NPSR1: variants seen among roughly 807,000 people sequenced by gnomAD.
The protein encoded by NPSR1 is neuropeptide S receptor.
Under a neutral mutation model 46.9 loss-of-function variants are expected in NPSR1, and 48 were observed. That is an observed-to-expected ratio of 1.02 (90% CI 0.81 to 1.30). The LOEUF (loss-of-function observed/expected upper bound fraction) is 1.30. Among genes scored for constraint, NPSR1 ranks in the 50% most tolerant of loss-of-function variants. The probability of loss-of-function intolerance (pLI) is 0.00; values close to 1 mark genes in which losing one functional copy is unlikely to be tolerated. For synonymous variants in NPSR1, 176 were observed against 168.1 expected (o/e 1.05, Z -0.36); for missense variants, 450 against 449.5 (o/e 1.00, Z -0.01).
chr7:34,752,218 T>A (rs1166068209), intron 2 of NPSR1, among the ~76,000 whole-genome samples: 1 of 152,188 alleles, frequency 6.6e-6, no homozygotes, highest in Non-Finnish European at 1.5e-5. Flanking sequence ...TTTTAATCTA[T>A]AACCAAGGTC....
downstream of NPSR1, among the ~76,000 whole-genome samples, chr7:34,854,252 A>G (rs538861469): frequency 2.6e-4 from 39 of 152,332 alleles, no homozygotes; most frequent in Admixed American, 2.1e-3. Context: ...AGAAACAGGG[A>G]CATAAAACAG....
chr7:34,722,138 G>A (rs1468187504), intron 2 of NPSR1, among the ~76,000 whole-genome samples: 1 of 152,062 alleles, frequency 6.6e-6, no homozygotes, highest in African/African-American at 2.4e-5. Flanking sequence ...ATTTAAGGAT[G>A]GGTATAATAG....
intron 2 of NPSR1, among the ~76,000 whole-genome samples, chr7:34,723,729 A>ACTCCTGT (rs1303341034): frequency 3.3e-5 from 5 of 151,622 alleles, no homozygotes; most frequent in African/African-American, 9.7e-5. Flanking sequence ...CTAGACTTGA[A>ACTCCTGT]CTCCTGTGCT....
chr7:34,684,530 T>C, intron 1 of NPSR1, 22 bp from the exon 2 acceptor site: 1 of 1,611,308 alleles, frequency 6.2e-7, no homozygotes, highest in Non-Finnish European at 8.5e-7. Flanking sequence ...ACACTGGTTT[T>C]ATTTTTCTCT....
chr7:34,874,514 C>T (rs1022656662), intron 8 of NPSR1, among the ~76,000 whole-genome samples: 17 of 152,166 alleles, frequency 1.1e-4, no homozygotes, highest in African/African-American at 4.1e-4. Context: ...AGGTCCTACC[C>T]CTGGAATTGC....
intron 2 of NPSR1, among the ~76,000 whole-genome samples, chr7:34,691,836 C>A (rs1793277835): frequency 6.6e-6 from 1 of 152,148 alleles, no homozygotes; most frequent in Non-Finnish European, 1.5e-5. Context: ...TGGACTTATT[C>A]TGGGTACAGT....
intron 8 of NPSR1, among the ~76,000 whole-genome samples, chr7:34,857,727 T>C (rs1791081878): frequency 6.6e-6 from 1 of 151,654 alleles, no homozygotes; most frequent in Non-Finnish European, 1.5e-5. Context: ...GAAATTTCTG[T>C]TCATCAAAAT....
intron 4 of NPSR1, among the ~76,000 whole-genome samples, chr7:34,815,281 G>C (rs564310411): frequency 1.3e-5 from 2 of 152,184 alleles, no homozygotes; most frequent in South Asian, 4.1e-4. Context: ...GCATGCACAA[G>C]CTTCAATAGC....
At position 34,684,609 on chromosome 7, in the gene NPSR1, G is replaced by C; in HGVS notation, c.205G>C (p.Val69Leu). 6.2e-7 allele frequency: 1 copy of C among 1,613,622 alleles called. No individual in the cohort carries two copies. Among genetic ancestry groups the C allele is most frequent in the East Asian group, 2.2e-5 (1 of 44,834 alleles). Reference sequence around the variant, plus strand: ...TGTTTTTACCATTGTTGGAAACTCCGTTGTGCTTTTTTCCACATGGAGGAG... The same window carrying C: ...TGTTTTTACCATTGTTGGAAACTCCCTTGTGCTTTTTTCCACATGGAGGAG... ...LFVFTIVGNS[V>L]VLFSTWRRKK... The change falls in exon 2 of 9, where the codon GTT becomes CTT. Residue 69 changes from valine to leucine, a missense_variant. Physicochemically the swap from Val to Leu is conservative, Grantham distance 32. Coordinates refer to ENST00000360581, the MANE Select transcript of NPSR1 (RefSeq NM_207172.2).
chr7:34,835,245 C>T (rs1283526347), intron 6 of NPSR1, among the ~76,000 whole-genome samples: 1 of 152,202 alleles, frequency 6.6e-6, no homozygotes, highest in African/African-American at 2.4e-5. Context: ...CTTGTGCACA[C>T]ACATACACAC....
At chr7:34,708,839 C>T (rs1193546864) in intron 2 of NPSR1, among the ~76,000 whole-genome samples, 1 of 152,158 alleles carries the variant, frequency 6.6e-6, no homozygotes, top group African/African-American at 2.4e-5. Flanking sequence ...GTGTTTCCCT[C>T]CCTGATATTC....
At chr7:34,723,330 T>G (rs183864926) in intron 2 of NPSR1, 1 of 152,662 alleles carries the variant, frequency 6.6e-6, no homozygotes, top group Admixed American at 6.5e-5. Context: ...ACCATGACCT[T>G]CACTGGGTCT....
At chr7:34,672,956 T>G (rs1792130532) in intron 1 of NPSR1, among the ~76,000 whole-genome samples, 1 of 152,204 alleles carries the variant, frequency 6.6e-6, no homozygotes, top group South Asian at 2.1e-4. Context: ...TTCTCTGCTG[T>G]TACTACCTCA....
chr7:34,746,261 G>T (rs186361622), intron 2 of NPSR1, among the ~76,000 whole-genome samples: 139 of 152,292 alleles, frequency 9.1e-4, no homozygotes, highest in Admixed American at 3.1e-3. Flanking sequence ...GTATTCAGTA[G>T]TCCTCCCTTA....
chr7:34,797,538 G>A (rs1788231952), intron 3 of NPSR1, among the ~76,000 whole-genome samples: 1 of 151,976 alleles, frequency 6.6e-6, no homozygotes, highest in South Asian at 2.1e-4. Flanking sequence ...CAAGAACTGT[G>A]GGACAATTAC....
chr7:34,795,215 C>G (rs925063069), intron 3 of NPSR1, among the ~76,000 whole-genome samples: 1 of 151,958 alleles, frequency 6.6e-6, no homozygotes, highest in Non-Finnish European at 1.5e-5. Context: ...ATTACAACAC[C>G]TATTATGATT....
chr7:34,843,281 C>A (rs931482014), intron 6 of NPSR1, among the ~76,000 whole-genome samples: 6 of 152,196 alleles, frequency 3.9e-5, no homozygotes, highest in Non-Finnish European at 2.9e-5. Context: ...AGGGCACTTG[C>A]AACTGGCAAA....
intron 3 of NPSR1, among the ~76,000 whole-genome samples, chr7:34,786,039 T>C (rs1787451674): frequency 6.6e-6 from 1 of 152,132 alleles, no homozygotes; most frequent in African/African-American, 2.4e-5. Context: ...CAGACAACAA[T>C]AAAGTTTGTT....
chr7:34,765,004 T>A (rs1786363973), intron 2 of NPSR1, among the ~76,000 whole-genome samples: 1 of 151,766 alleles, frequency 6.6e-6, no homozygotes, highest in Admixed American at 6.6e-5. Context: ...AAGCAGAGAG[T>A]GGGGCATTAA....
Sources: gnomAD v4.1 joint callset for allele counts (sites outside exome capture counted in the v4.1 genomes callset) on GRCh38, gnomAD v4.1.1 for gene constraint, MANE v1.5 for transcripts, NCBI Gene and HGNC (gene_info 2026-07-23, HGNC 2026-07-21) for gene names.